Variants in EMP2 observed in about 807,000 individuals in gnomAD.
EMP2 encodes the protein epithelial membrane protein 2.
A neutral mutation model predicts 13.7 loss-of-function variants in EMP2; 19 were observed. That is an observed-to-expected ratio of 1.38 (90% CI 0.97 to 2.03). The LOEUF (loss-of-function observed/expected upper bound fraction) is 2.03, where lower values mean the gene tolerates loss of function less well. Ranked by LOEUF, EMP2 falls within the 30% of genes most tolerant of loss-of-function variation. The pLI is 0.00. For missense variants in EMP2, 253 were observed against 220.7 expected (o/e 1.15, Z -0.93); for synonymous variants, 97 against 84.7 (o/e 1.15, Z -0.80).
intron 1 of EMP2, among the ~76,000 whole-genome samples, chr16:10,574,852 T>C (rs1451333515): frequency 6.6e-6 from 1 of 152,024 alleles, no homozygotes; most frequent in African/African-American, 2.4e-5. Flanking sequence ...GCCCGGCCCA[T>C]ATATGTATTT....
chr16:10,560,960 G>C (rs190154458), intron 1 of EMP2, among the ~76,000 whole-genome samples: 72 of 152,288 alleles, frequency 4.7e-4, no homozygotes, highest in African/African-American at 1.6e-3. Context: ...GGGAAGCTTT[G>C]TAAGCAGAAA....
chr16:10,547,433 A>T, intron 2 of EMP2, 107 bp downstream of exon 2: 1 of 1,174,166 alleles, frequency 8.5e-7, no homozygotes, highest in Non-Finnish European at 1.2e-6. Flanking sequence ...TAAATTACCT[A>T]GTCTCTGGTA....
chr16:10,538,746 T>C (rs1037518791), intron 3 of EMP2, among the ~76,000 whole-genome samples: 12 of 152,166 alleles, frequency 7.9e-5, no homozygotes, highest in African/African-American at 2.9e-4. Flanking sequence ...GAAAGCTATG[T>C]GGCCATAGGG....
intron 4 of EMP2, among the ~76,000 whole-genome samples, chr16:10,535,388 T>C (rs1302316006): frequency 1.3e-5 from 2 of 152,120 alleles, no homozygotes; most frequent in African/African-American, 4.8e-5. Context: ...GGGTAATCAA[T>C]TTTGACTAAG....
intron 1 of EMP2, among the ~76,000 whole-genome samples, chr16:10,549,233 T>G (rs918643082): frequency 1.3e-5 from 2 of 152,156 alleles, no homozygotes; most frequent in African/African-American, 2.4e-5. Context: ...AGGAAGCAAT[T>G]GCAAAGTGAA....
intron 3 of EMP2, 126 bp from the exon 4 acceptor site, chr16:10,538,200 C>G (rs115499170): frequency 2.5e-6 from 3 of 1,176,802 alleles, no homozygotes; most frequent in Non-Finnish European, 3.6e-6. Context: ...TTCAGGCGGT[C>G]GTCTACATGG....
At position 10,532,885 on chromosome 16, in the gene EMP2, A is replaced by G. The variant is rs772594467; in HGVS notation, c.*20T>C. On this transcript the variant is annotated 3_prime_UTR_variant, in exon 5 of 5. Transcript: ENST00000359543. ...AATGTGGATTCTGTACTGCAGCAGA[A>G]GCAACCCAGCTCCGGAACTCTATTT... is the stretch of plus-strand genomic sequence containing the variant. The G allele has an allele frequency of 2.1e-6, 3 of 1,437,890 alleles. No homozygotes were observed. In the South Asian group the frequency reaches 5.1e-5, roughly 25 times the overall value. 89.1% of individuals were successfully genotyped at this position (1,437,890 alleles called of 1,614,324 possible). A position where few individuals can be genotyped will look rare whatever the true frequency, so the allele number is the denominator to read the frequency against.
Position 10,580,365 on chromosome 16 carries a change from C to A in EMP2, c.-61+184G>T, listed in dbSNP as rs934704813. On this transcript the variant is annotated intron_variant, in intron 1 of 4. Coordinates refer to ENST00000359543, the MANE Select transcript of EMP2 (RefSeq NM_001424.6). The surrounding 1 kb of genome is among the most constrained non-coding windows in gnomAD (Gnocchi z 4.3). ...GCGAAGTGGAATTCTGGGGCCGGAG[C>A]GAGCGTGGCGCAGACCAGAGGTCGG... 2.0e-5 allele frequency among the ~76,000 whole-genome samples: 3 copies of A among 152,214 alleles called. No individual in the cohort carries two copies. The highest frequency in any genetic ancestry group is 7.2e-5 in the African/African-American group (3 of 41,456).
intron 1 of EMP2, among the ~76,000 whole-genome samples, chr16:10,564,480 G>A (rs1318015498): frequency 3.3e-5 from 4 of 121,398 alleles, no homozygotes; most frequent in Non-Finnish European, 6.5e-5. Context: ...GACAGAGTGA[G>A]ACTCTGTCTC....
intron 1 of EMP2, among the ~76,000 whole-genome samples, chr16:10,567,599 G>T (rs2050916046): frequency 6.6e-6 from 1 of 152,174 alleles, no homozygotes; most frequent in Non-Finnish European, 1.5e-5. Context: ...GGCCAGGTGT[G>T]GAGGGTCAAG....
At chr16:10,565,372 G>A (rs1359007157) in intron 1 of EMP2, among the ~76,000 whole-genome samples, 3 of 152,134 alleles carry the variant, frequency 2.0e-5, no homozygotes, top group Non-Finnish European at 4.4e-5. Context: ...CATCCAATCA[G>A]TTGAAGGCCT....
intron 1 of EMP2, among the ~76,000 whole-genome samples, chr16:10,562,499 G>A (rs1336082393): frequency 6.6e-6 from 1 of 151,828 alleles, no homozygotes; most frequent in African/African-American, 2.4e-5. Context: ...ACCAGTGAAG[G>A]ACACCCTAGA....
chr16:10,533,615 C>T (rs1176068456), intron 4 of EMP2, among the ~76,000 whole-genome samples: 1 of 152,196 alleles, frequency 6.6e-6, no homozygotes, highest in Non-Finnish European at 1.5e-5. Context: ...AGTAGCATGA[C>T]ACCACCTATA....
At chr16:10,554,321 C>T (rs911420122) in intron 1 of EMP2, among the ~76,000 whole-genome samples, 12 of 152,204 alleles carry the variant, frequency 7.9e-5, no homozygotes, top group African/African-American at 1.9e-4. Flanking sequence ...CGTGAGCCAC[C>T]GTGCCCGACC....
chr16:10,543,436 C>A (rs2050715808), intron 3 of EMP2, 134 bp downstream of exon 3: 15 of 964,672 alleles, frequency 1.6e-5, no homozygotes, highest in South Asian at 1.5e-4. Context: ...ACACACTGAG[C>A]AAACGCGGCC....
At chr16:10,534,942 A>C (rs1205765994) in intron 4 of EMP2, among the ~76,000 whole-genome samples, 1 of 152,138 alleles carries the variant, frequency 6.6e-6, no homozygotes, top group East Asian at 1.9e-4. Context: ...GCGCGTAGAC[A>C]ATCTCCGCCA....
At chr16:10,559,108 G>A (rs11865984) in intron 1 of EMP2, 9,108 of 152,380 alleles carry the variant, frequency 0.06, 455 homozygotes, top group African/African-American at 0.13. Context: ...GGGGAGGGCC[G>A]GGCTGGTGAG....
intron 1 of EMP2, among the ~76,000 whole-genome samples, chr16:10,549,171 A>G (rs1200050106): frequency 6.6e-6 from 1 of 152,238 alleles, no homozygotes; most frequent in African/African-American, 2.4e-5. Flanking sequence ...TAAACCACTG[A>G]GATTTCAGGG....
chr16:10,544,167 TCTTTTTTTTTTTC>T (rs2050722134), intron 2 of EMP2: 1 of 107,062 alleles, frequency 9.3e-6, no homozygotes, highest in Admixed American at 9.9e-5. Context: ...ATTCTACATT[TCTTTTTTTTTTTC>T]CTTTTTTTGT....
Sources: allele counts gnomAD v4.1 joint callset (sites outside exome capture counted in the v4.1 genomes callset), GRCh38; gene constraint gnomAD v4.1.1; non-coding constraint Gnocchi (gnomAD v3.1); transcripts MANE v1.5; gene names NCBI Gene and HGNC (gene_info 2026-07-23, HGNC 2026-07-21).